The following FMN2 variants were observed in gnomAD, a reference collection of about 807,000 sequenced individuals.
FMN2 encodes formin 2, also known as formin-2.
FMN2 carries 51 observed loss-of-function variants against 142.3 expected under a neutral mutation model. That is an observed-to-expected ratio of 0.36 (90% CI 0.29 to 0.45). FMN2 has a LOEUF of 0.45. Among genes scored for constraint, FMN2 ranks in the 20% least tolerant of loss-of-function variants. The pLI, the probability that FMN2 is intolerant of heterozygous loss-of-function variation, is 1.00. For missense variants in FMN2, 1,936 were observed against 2,122.8 expected (o/e 0.91, Z 1.73); for synonymous variants, 882 against 869.8 (o/e 1.01, Z -0.25).
chr1:240,270,846 G>A (rs1211322108), intron 7 of FMN2, among the ~76,000 whole-genome samples: 1 of 151,814 alleles, frequency 6.6e-6, no homozygotes, highest in African/African-American at 2.4e-5. Context: ...GGGACAGGAT[G>A]GATGGGGAAA....
chr1:240,266,915 C>CA (rs551588401), intron 7 of FMN2, among the ~76,000 whole-genome samples: 20 of 152,052 alleles, frequency 1.3e-4, no homozygotes, highest in East Asian at 9.7e-4. Flanking sequence ...ACTGGACCCC[C>CA]AAAAAACCTT....
chr1:240,192,407 G>A (rs1434700457), intron 4 of FMN2, among the ~76,000 whole-genome samples: 1 of 152,156 alleles, frequency 6.6e-6, no homozygotes, highest in Non-Finnish European at 1.5e-5. Flanking sequence ...AATTGGGGTA[G>A]AATGTCTTAG....
intron 7 of FMN2, among the ~76,000 whole-genome samples, chr1:240,273,310 G>T (rs781700366): frequency 3.3e-5 from 5 of 152,178 alleles, no homozygotes; most frequent in Non-Finnish European, 7.3e-5. Context: ...ACTGTATGAG[G>T]CAGGTGTTTT....
chr1:240,374,386 T>C (rs1025058042), intron 14 of FMN2, among the ~76,000 whole-genome samples: 1 of 152,232 alleles, frequency 6.6e-6, no homozygotes, highest in Non-Finnish European at 1.5e-5. Flanking sequence ...ATGAAACTCC[T>C]AGATGGCATC....
rs1202167758 is a variant in FMN2 at position 240,392,567 on chromosome 1, G to T, written c.4910+5G>T. 1 of 1,604,990 alleles carries T rather than the reference G, an allele frequency of 6.2e-7. No individual in the cohort carries two copies. ...ACTGACAGAGACTCATAAATGGTGA[G>T]AAATTACTTTATTTCCTCCCAGAAT... On this transcript the variant is annotated splice_donor_5th_base_variant and intron_variant, in intron 15 of 17. Coordinates refer to ENST00000319653, the MANE Select transcript of FMN2 (RefSeq NM_020066.5).
chr1:240,183,236 A>G (rs1665227025), intron 3 of FMN2, among the ~76,000 whole-genome samples: 1 of 151,564 alleles, frequency 6.6e-6, no homozygotes, highest in African/African-American at 2.4e-5. Context: ...GTTTTGTTCA[A>G]ATGTTTTAAC....
chr1:240,278,067 C>A (rs1232059463), intron 7 of FMN2, among the ~76,000 whole-genome samples: 1 of 152,166 alleles, frequency 6.6e-6, no homozygotes, highest in Admixed American at 6.5e-5. Context: ...TTCAAATGTA[C>A]TTATCAGTGG....
At chr1:240,125,429 T>C (rs1662455287) in intron 2 of FMN2, among the ~76,000 whole-genome samples, 1 of 152,220 alleles carries the variant, frequency 6.6e-6, no homozygotes, top group South Asian at 2.1e-4. Context: ...TTTCCTCCCT[T>C]CTCTTGTATG....
chr1:240,412,957 C>T (rs1404793076), intron 15 of FMN2, among the ~76,000 whole-genome samples: 2 of 151,184 alleles, frequency 1.3e-5, no homozygotes, highest in African/African-American at 2.4e-5. Flanking sequence ...CCCGTCTCTA[C>T]TAAAAAATAC....
At chr1:240,118,098 T>C (rs540791341) in intron 1 of FMN2, among the ~76,000 whole-genome samples, 1 of 151,972 alleles carries the variant, frequency 6.6e-6, no homozygotes, top group African/African-American at 2.4e-5. Flanking sequence ...CTCAGTGTGT[T>C]TGAGGAGGAG....
intron 16 of FMN2, among the ~76,000 whole-genome samples, chr1:240,461,481 T>G (rs188351514): frequency 1.3e-5 from 2 of 152,350 alleles, no homozygotes; most frequent in East Asian, 3.9e-4. Flanking sequence ...ACTCTCTGCC[T>G]TCAGGGTGCT....
At chr1:240,433,904 A>G (rs1675265330) in intron 15 of FMN2, among the ~76,000 whole-genome samples, 1 of 152,098 alleles carries the variant, frequency 6.6e-6, no homozygotes, top group African/African-American at 2.4e-5. Context: ...TTTGATTTTT[A>G]ATATTAGTTG....
Position 240,373,834 on chromosome 1 carries a change from A to T in FMN2, c.4858+17926A>T, listed in dbSNP as rs576393087. On this transcript the variant is annotated intron_variant, in intron 14 of 17. Coordinates refer to ENST00000319653, the MANE Select transcript of FMN2 (RefSeq NM_020066.5). ...TTCTCATGAGTCAAGAATGTTCTTA[A>T]TGGCATCTAGAATGATGAATCCTTT... Among the ~76,000 whole-genome samples, 3 of 152,320 alleles carry T rather than the reference A, an allele frequency of 2.0e-5. No homozygotes were observed. The South Asian group carries it at 6.2e-4, about 32-fold the overall frequency.
chr1:240,135,907 G>T (rs1485818107), intron 2 of FMN2, among the ~76,000 whole-genome samples: 1 of 151,636 alleles, frequency 6.6e-6, no homozygotes, highest in East Asian at 1.9e-4. Context: ...TTGAACTCCT[G>T]ACCTTAGGTG....
intron 15 of FMN2, among the ~76,000 whole-genome samples, chr1:240,420,479 C>T (rs1237374726): frequency 1.3e-5 from 2 of 152,198 alleles, no homozygotes; most frequent in African/African-American, 4.8e-5. Flanking sequence ...CTAGCACTTC[C>T]CTAGCTGGGT....
chr1:240,171,236 A>G (rs1422431186), intron 2 of FMN2: 2 of 772,888 alleles, frequency 2.6e-6, no homozygotes, highest in Non-Finnish European at 4.8e-6. Context: ...GATGAAATTA[A>G]CAAAGCCTTT....
intron 6 of FMN2, among the ~76,000 whole-genome samples, chr1:240,229,539 G>T (rs1340085511): frequency 6.6e-6 from 1 of 152,178 alleles, no homozygotes; most frequent in Non-Finnish European, 1.5e-5. Flanking sequence ...TAGTACCAAT[G>T]TACTGTTTAT....
chr1:240,131,316 G>A (rs1005508432), intron 2 of FMN2, among the ~76,000 whole-genome samples: 3 of 152,168 alleles, frequency 2.0e-5, no homozygotes, highest in Non-Finnish European at 4.4e-5. Context: ...GAGCAAAGGG[G>A]AAGGTTTTTA....
intron 13 of FMN2, among the ~76,000 whole-genome samples, chr1:240,345,749 C>T (rs2103033968): frequency 1.3e-5 from 2 of 152,166 alleles, no homozygotes; most frequent in African/African-American, 4.8e-5. Flanking sequence ...TCCCAAAGTG[C>T]TGGGATTACA....
Sources: allele counts gnomAD v4.1 joint callset (sites outside exome capture counted in the v4.1 genomes callset), GRCh38; gene constraint gnomAD v4.1.1; transcripts MANE v1.5; gene names NCBI Gene and HGNC (gene_info 2026-07-23, HGNC 2026-07-21).